Variants in TRABD2B observed in about 807,000 individuals in gnomAD.
The protein encoded by TRABD2B is TraB domain containing 2B.
In TRABD2B, 14 loss-of-function variants were observed where a neutral mutation model predicts 40.1. The observed-to-expected ratio is 0.35, with a 90% confidence interval of 0.23 to 0.55. TRABD2B has a LOEUF of 0.55. Ranked by LOEUF, TRABD2B falls within the 20% of genes least tolerant of loss-of-function variation. The pLI is 0.90. For missense variants in TRABD2B, 541 were observed against 648.6 expected, an observed-to-expected ratio of 0.83 and a Z score of 1.80; for synonymous variants, 263 against 277.0, an observed-to-expected ratio of 0.95 and a Z score of 0.50.
chr1:47,859,294 C>A lies in TRABD2B; in HGVS notation c.667-57675G>T, dbSNP rs534970925. On this transcript the variant is annotated intron_variant, in intron 2 of 6. Coordinates refer to ENST00000606738, the MANE Select transcript of TRABD2B (RefSeq NM_001194986.2). The stretch of plus-strand genomic sequence containing the variant: ...TTTGCTGTGGTCTGGTGGTTACCCA[C>A]AGCCAGCCAGCCTCACACTGGCTGG... 2.3e-4 allele frequency among the ~76,000 whole-genome samples: 35 copies of A among 152,320 alleles called. No homozygotes were observed. The South Asian group carries it at 6.9e-3, about 30-fold the overall frequency.
chr1:47,880,687 G>GAGCATCTCCCCA (rs1228534552), intron 2 of TRABD2B, among the ~76,000 whole-genome samples: 5 of 152,154 alleles, frequency 3.3e-5, no homozygotes, highest in Non-Finnish European at 5.9e-5. Flanking sequence ...GTCTTACCTG[G>GAGCATCTCCCCA]GGAGATGCTC....
intron 2 of TRABD2B, among the ~76,000 whole-genome samples, chr1:47,860,803 C>T (rs1016125351): frequency 1.3e-5 from 2 of 152,128 alleles, no homozygotes; most frequent in Non-Finnish European, 2.9e-5. Context: ...GGTTCCTCCT[C>T]CCATTTGGTT....
intron 2 of TRABD2B, among the ~76,000 whole-genome samples, chr1:47,945,506 T>C (rs1190574063): frequency 6.6e-6 from 1 of 152,192 alleles, no homozygotes; most frequent in African/African-American, 2.4e-5. Context: ...ACATGTACAG[T>C]CATGTAACCA....
At chr1:47,824,177 C>T (rs1418391253) in intron 2 of TRABD2B, among the ~76,000 whole-genome samples, 1 of 152,148 alleles carries the variant, frequency 6.6e-6, no homozygotes, top group African/African-American at 2.4e-5. Flanking sequence ...AGGACATCAC[C>T]CAGCACAGAG....
chr1:47,795,660 C>T (rs1644738403), intron 3 of TRABD2B: 2 of 985,212 alleles, frequency 2.0e-6, no homozygotes, highest in South Asian at 9.4e-5. Context: ...CTGTCATGGG[C>T]TACATTCAGC....
intron 2 of TRABD2B, among the ~76,000 whole-genome samples, chr1:47,927,479 C>T (rs1644984593): frequency 6.6e-6 from 1 of 152,208 alleles, no homozygotes; most frequent in Admixed American, 6.5e-5. Flanking sequence ...GAAGCTGGCT[C>T]CTTCTCAGAG....
In TRABD2B at chr1:47,766,113, A is replaced by G. The variant is rs180959922; in HGVS notation, c.1350-7T>C. 221 of 701,774 alleles carry G rather than the reference A, an allele frequency of 3.1e-4. No individual in the cohort carries two copies. Among genetic ancestry groups the G allele is most frequent in the Middle Eastern group, 1.3e-3 (5 of 3,956 alleles). 43.5% of individuals were successfully genotyped at this position (701,774 alleles called of 1,614,324 possible). Reference sequence around the variant, plus strand: ...GGGTGGTGAGGCGGTGGTGCTGGAAAGGAGGAAGCACATGGCAGAGTCACC... The same window carrying G: ...GGGTGGTGAGGCGGTGGTGCTGGAAGGGAGGAAGCACATGGCAGAGTCACC... On this transcript the variant is annotated splice_region_variant and splice_polypyrimidine_tract_variant and intron_variant, in intron 6 of 6. Transcript: ENST00000606738.
chr1:47,984,501 C>CG (rs1322995659), intron 2 of TRABD2B, among the ~76,000 whole-genome samples: 1 of 152,234 alleles, frequency 6.6e-6, no homozygotes, highest in Non-Finnish European at 1.5e-5. Flanking sequence ...GCAAGCCTCC[C>CG]GGGGGAGCGC....
At chr1:47,812,296 G>C (rs1644975648) in intron 2 of TRABD2B, among the ~76,000 whole-genome samples, 1 of 152,182 alleles carries the variant, frequency 6.6e-6, no homozygotes, top group Admixed American at 6.5e-5. Flanking sequence ...GGAAGGCACG[G>C]GTAATTATAA....
At chr1:47,874,571 CT>C (rs370059019) in intron 2 of TRABD2B, among the ~76,000 whole-genome samples, 124 of 137,188 alleles carry the variant, frequency 9.0e-4, no homozygotes, top group Non-Finnish European at 7.6e-4. Context: ...CGCGCCCGGC[CT>C]TTTTTTTTTT....
intron 2 of TRABD2B, among the ~76,000 whole-genome samples, chr1:47,836,660 C>T (rs1231853969): frequency 6.6e-6 from 1 of 152,192 alleles, no homozygotes; most frequent in Non-Finnish European, 1.5e-5. Context: ...CCTCAAAGTT[C>T]ATTGTTGAAA....
At chr1:47,902,117 A>G (rs1644608839) in intron 2 of TRABD2B, among the ~76,000 whole-genome samples, 1 of 152,146 alleles carries the variant, frequency 6.6e-6, no homozygotes, top group East Asian at 1.9e-4. Context: ...AGCCTCCCAC[A>G]AGGTGCATCT....
At chr1:47,955,569 TTACTCATATTTCTGGATCTCA>T in intron 2 of TRABD2B, among the ~76,000 whole-genome samples, 1 of 152,112 alleles carries the variant, frequency 6.6e-6, no homozygotes, top group South Asian at 2.1e-4. Flanking sequence ...ACACACAAAT[TTACTCATATTTCTGGATCTCA>T]TCATGCCCAA....
At chr1:47,862,495 T>C (rs1643988007) in intron 2 of TRABD2B, among the ~76,000 whole-genome samples, 1 of 152,104 alleles carries the variant, frequency 6.6e-6, no homozygotes, top group Non-Finnish European at 1.5e-5. Flanking sequence ...ACCATTTACA[T>C]TAACACCAAA....
chr1:47,801,146 C>T (rs1461186667), intron 3 of TRABD2B, among the ~76,000 whole-genome samples: 1 of 152,160 alleles, frequency 6.6e-6, no homozygotes, highest in Non-Finnish European at 1.5e-5. Flanking sequence ...TGGGCTTTTC[C>T]TTCCCTGGAA....
chr1:47,816,122 CA>C lies in TRABD2B; in HGVS notation c.667-14504del, dbSNP rs796181893. On this transcript the variant is annotated intron_variant, in intron 2 of 6. Transcript: ENST00000606738. ...CTGGCTGTTTTTGTGTCTTCAGCCT[CA>C]CCCCCTTCCCCTCTCTCTCTTTTAC... Among the ~76,000 whole-genome samples, 112 of 152,252 alleles carry C rather than the reference CA, an allele frequency of 7.4e-4. 1 individual carries two copies. The highest frequency in any genetic ancestry group is 2.5e-3 in the African/African-American group (104 of 41,550).
At chr1:47,843,447 T>C (rs1002853739) in intron 2 of TRABD2B, among the ~76,000 whole-genome samples, 1 of 152,182 alleles carries the variant, frequency 6.6e-6, no homozygotes, top group Non-Finnish European at 1.5e-5. Context: ...TGATCTGGCC[T>C]GAGCAACTGT....
At chr1:47,927,609 A>C (rs2124752997) in intron 2 of TRABD2B, among the ~76,000 whole-genome samples, 1 of 152,246 alleles carries the variant, frequency 6.6e-6, no homozygotes, top group South Asian at 2.1e-4. Context: ...AAAACACTCC[A>C]TGTTTGTCAG....
chr1:47,839,708 T>C (rs1242269681), intron 2 of TRABD2B, among the ~76,000 whole-genome samples: 1 of 152,192 alleles, frequency 6.6e-6, no homozygotes, highest in Non-Finnish European at 1.5e-5. Flanking sequence ...TGGGCAACAC[T>C]GACAGTGTCC....
Sources: gnomAD v4.1 joint callset for allele counts (sites outside exome capture counted in the v4.1 genomes callset) on GRCh38, gnomAD v4.1.1 for gene constraint, MANE v1.5 for transcripts, NCBI Gene and HGNC (gene_info 2026-07-23, HGNC 2026-07-21) for gene names.